Variants in ZFYVE28 observed in about 807,000 individuals in gnomAD.
ZFYVE28 encodes zinc finger FYVE-type containing 28.
In ZFYVE28, 40 loss-of-function variants were observed where a neutral mutation model predicts 82.1. That is an observed-to-expected ratio of 0.49 (90% CI 0.38 to 0.63). The LOEUF is 0.63. Among genes scored for constraint, ZFYVE28 ranks in the 30% least tolerant of loss-of-function variants. The pLI, the probability that ZFYVE28 is intolerant of heterozygous loss-of-function variation, is 0.00. For missense variants in ZFYVE28, 1,321 were observed against 1,242.1 expected (o/e 1.06, Z -0.96); for synonymous variants, 612 against 546.1 (o/e 1.12, Z -1.68).
chr4:2,401,117 G>A (rs1192589187), intron 1 of ZFYVE28, among the ~76,000 whole-genome samples: 2 of 152,184 alleles, frequency 1.3e-5, no homozygotes, highest in African/African-American at 4.8e-5. Context: ...GGCTGGGCAG[G>A]TGGGCCGTCA....
At chr4:2,397,892 C>T (rs1205906176) in intron 1 of ZFYVE28, among the ~76,000 whole-genome samples, 2 of 152,052 alleles carry the variant, frequency 1.3e-5, no homozygotes, top group Non-Finnish European at 2.9e-5. Flanking sequence ...ACTTTGGAGG[C>T]CACGCCTACA....
At chr4:2,376,567 C>T (rs2108909736) in intron 1 of ZFYVE28, among the ~76,000 whole-genome samples, 1 of 152,178 alleles carries the variant, frequency 6.6e-6, no homozygotes, top group East Asian at 1.9e-4. Flanking sequence ...CACAGGGCAG[C>T]AGGAGAGAGA....
At position 2,341,520 on chromosome 4, in the gene ZFYVE28, G is replaced by T; in HGVS notation, c.276C>A (p.Ile92=). The T allele has an allele frequency of 6.2e-7, 1 of 1,613,958 alleles. No homozygotes were observed. Among genetic ancestry groups the T allele is most frequent in the Non-Finnish European group, 8.5e-7 (1 of 1,180,016 alleles). ...RDFCVKFPEE[I]RHDNLAGQLW... ...GCTGGCCGGCCAGGTTGTCGTGCCG[G>T]ATCTCCTCAGGGAACTTGACGCAGA... The change falls in exon 3 of 13, where the codon ATC becomes ATA. Residue 92 remains isoleucine, a synonymous_variant. Coordinates refer to ENST00000290974, the MANE Select transcript of ZFYVE28 (RefSeq NM_020972.3). The surrounding 1 kb of genome is among the most constrained non-coding windows in gnomAD (Gnocchi z 4.5).
At chr4:2,340,215 C>T (rs963415540) in intron 3 of ZFYVE28, among the ~76,000 whole-genome samples, 3 of 152,180 alleles carry the variant, frequency 2.0e-5, no homozygotes, top group African/African-American at 7.2e-5. Context: ...TTCCCCGGAA[C>T]GCAGACTCAT....
At position 2,372,660 on chromosome 4, in the gene ZFYVE28, C is replaced by T. The variant is rs981314015; in HGVS notation, c.40-18587G>A. ...ATGAGGGAGGGCCTGCGGCTGGGCA[C>T]GGGTGGGCACTGGCTGTCACTCCCT... is the stretch of plus-strand genomic sequence containing the variant. On this transcript the variant is annotated intron_variant, in intron 1 of 12. Coordinates refer to ENST00000290974, the MANE Select transcript of ZFYVE28 (RefSeq NM_020972.3). This position sits in a 1 kb window ranked among gnomAD's most constrained non-coding sequence, Gnocchi z 5.2. 5.9e-5 allele frequency among the ~76,000 whole-genome samples: 9 copies of T among 152,092 alleles called. No individual in the cohort carries two copies. In the East Asian group the frequency reaches 1.7e-3, roughly 29 times the overall value.
chr4:2,336,258 G>A (rs1317517684), intron 5 of ZFYVE28, among the ~76,000 whole-genome samples: 1 of 152,172 alleles, frequency 6.6e-6, no homozygotes, highest in African/African-American at 2.4e-5. Context: ...GGCTTGTGGA[G>A]GGCTTTTCCT....
chr4:2,304,539 T>C lies in ZFYVE28; in HGVS notation c.1801A>G (p.Lys601Glu). 1 of 1,612,750 alleles carries C rather than the reference T, an allele frequency of 6.2e-7. No individual in the cohort carries two copies. Among genetic ancestry groups the C allele is most frequent in the Non-Finnish European group, 8.5e-7 (1 of 1,179,854 alleles). The change falls in exon 8 of 13, where the codon AAG becomes GAG. Residue 601 changes from lysine to glutamate, a missense_variant. Transcript: ENST00000290974. ...IGASYAAGLA[K>E]ASDRAPERQE... ...CTCTCAGGGGCCCTGTCGCTGGCCT[T>C]GGCTAAGCCGGCAGCGTACGAGGCA...
chr4:2,273,122 G>A, intron 10 of ZFYVE28, 51 bp downstream of exon 10: 1 of 1,462,646 alleles, frequency 6.8e-7, no homozygotes, highest in Non-Finnish European at 9.5e-7. Flanking sequence ...CTGTGGGCAG[G>A]GACACGGCCA....
rs182821953 is a variant in ZFYVE28, at chr4:2,279,457, C to T, written c.2052-5241G>A. ...AAAACAAAAACAAAAACACACCCATCGTGCTGAGTGAAAGAAGCCAGTCAC... is the reference window on the plus strand; with the variant it reads ...AAAACAAAAACAAAAACACACCCATTGTGCTGAGTGAAAGAAGCCAGTCAC... On this transcript the variant is annotated intron_variant, in intron 8 of 12. Coordinates refer to ENST00000290974, the MANE Select transcript of ZFYVE28 (RefSeq NM_020972.3). 5.7e-4 allele frequency among the ~76,000 whole-genome samples: 87 copies of T among 151,858 alleles called. 2 individuals carry two copies. Among genetic ancestry groups the T allele is most frequent in the Non-Finnish European group, 2.9e-5 (2 of 67,948 alleles).
intron 8 of ZFYVE28, among the ~76,000 whole-genome samples, chr4:2,301,081 G>A (rs141768969): frequency 1.1e-3 from 164 of 152,260 alleles, no homozygotes; most frequent in African/African-American, 3.4e-3. Context: ...TGAACTTTCT[G>A]TGTGTGTGAA....
Position 2,273,237 on chromosome 4 carries a change from A to G in ZFYVE28, c.2259T>C (p.Leu753=). The G allele has an allele frequency of 5.0e-6, 8 of 1,613,822 alleles. No homozygotes were observed. The highest frequency in any genetic ancestry group is 5.9e-6 in the Non-Finnish European group (7 of 1,179,902). ...TNYASDLRSI[L]KTLFEVMATK... The stretch of plus-strand genomic sequence containing the variant: ...TGGCCATGACCTCAAACAGTGTTTT[A>G]AGAATACTTCTCAGGTCACTGGCAT... Residue 753 remains leucine, a synonymous_variant, in exon 10 of 13, where the codon CTT becomes CTC. Transcript: ENST00000290974.
rs79615849 is a variant in ZFYVE28, at chr4:2,304,130, C to T, written c.2051+159G>A. Among the ~76,000 whole-genome samples the T allele has an allele frequency of 3.0e-3, 460 of 152,366 alleles. 24 individuals carry two copies. In the East Asian group the frequency reaches 0.071, roughly 24 times the overall value. On this transcript the variant is annotated intron_variant, in intron 8 of 12. Transcript: ENST00000290974. ...CTCTGCAGCCAGCTCCTGCCCCTGC[C>T]CCTCCTCACACACAGACCCCACACT...
At chr4:2,326,312 T>G (rs534814054) in intron 6 of ZFYVE28, among the ~76,000 whole-genome samples, 2 of 152,376 alleles carry the variant, frequency 1.3e-5, no homozygotes, top group South Asian at 4.1e-4. Context: ...TTGAAGAGGC[T>G]GTCCTTGTCT....
chr4:2,273,215 C>T lies in ZFYVE28; in HGVS notation c.2281G>A (p.Ala761Thr), dbSNP rs1020934916. The T allele has an allele frequency of 1.1e-5, 17 of 1,613,944 alleles. No individual in the cohort carries two copies. Among genetic ancestry groups the T allele is most frequent in the African/African-American group, 4.0e-5 (3 of 75,060 alleles). ...SILKTLFEVM[A>T]TKPETDDKEK... Reference sequence around the variant, plus strand: ...TTGTCGTCTGTTTCAGGCTTGGTGGCCATGACCTCAAACAGTGTTTTAAGA... The same window carrying T: ...TTGTCGTCTGTTTCAGGCTTGGTGGTCATGACCTCAAACAGTGTTTTAAGA... The change falls in exon 10 of 13, where the codon GCC becomes ACC. Residue 761 changes from alanine to threonine, a missense_variant. Ala to Thr is a moderately conservative substitution (Grantham distance 58). Around this residue, in one of 2 missense-constraint regions of ZFYVE28, gnomAD observed 978 missense variants for 833.7 expected, o/e 1.17. Coordinates refer to ENST00000290974, the MANE Select transcript of ZFYVE28 (RefSeq NM_020972.3).
intron 1 of ZFYVE28, among the ~76,000 whole-genome samples, chr4:2,407,933 G>A (rs1256102224): frequency 6.6e-6 from 1 of 152,158 alleles, no homozygotes; most frequent in Non-Finnish European, 1.5e-5. Context: ...TTGACCTTAC[G>A]CATGCCAGGG....
chr4:2,276,639 A>C (rs2108800298), intron 8 of ZFYVE28, among the ~76,000 whole-genome samples: 1 of 152,328 alleles, frequency 6.6e-6, no homozygotes, highest in East Asian at 1.9e-4. Context: ...AAAAGGAAGG[A>C]AATTCGGATC....
intron 1 of ZFYVE28, among the ~76,000 whole-genome samples, chr4:2,380,618 T>G (rs1728630038): frequency 6.6e-6 from 1 of 152,234 alleles, no homozygotes; most frequent in South Asian, 2.1e-4. Context: ...TCATCTTGAA[T>G]TATACTCTCG....
At chr4:2,364,065 G>A (rs1371566932) in intron 1 of ZFYVE28, among the ~76,000 whole-genome samples, 2 of 152,200 alleles carry the variant, frequency 1.3e-5, no homozygotes, top group Admixed American at 6.5e-5. Context: ...ACAGCCCCAG[G>A]GCAGGCGCTG....
intron 8 of ZFYVE28, among the ~76,000 whole-genome samples, chr4:2,290,536 G>A (rs1243481530): frequency 1.3e-5 from 2 of 152,216 alleles, no homozygotes; most frequent in Non-Finnish European, 2.9e-5. Flanking sequence ...TGGCCCCCAG[G>A]AGATGTCTCC....
Sources: allele counts gnomAD v4.1 joint callset (sites outside exome capture counted in the v4.1 genomes callset), GRCh38; gene constraint gnomAD v4.1.1; regional missense constraint gnomAD v4.1.1; non-coding constraint Gnocchi (gnomAD v3.1); transcripts MANE v1.5; gene names NCBI Gene and HGNC (gene_info 2026-07-23, HGNC 2026-07-21).